Variants in EML6 observed in about 807,000 individuals in gnomAD.
EML6 encodes echinoderm microtubule-associated protein-like 6.
In EML6, 154 loss-of-function variants were observed where a neutral mutation model predicts 240.1. The observed-to-expected ratio is 0.64, with a 90% confidence interval of 0.56 to 0.73. EML6 has a LOEUF of 0.73. Among genes scored for constraint, EML6 ranks in the 30% least tolerant of loss-of-function variants. EML6 has a pLI of 0.00. For missense variants in EML6, 2,964 were observed against 2,474.6 expected, an observed-to-expected ratio of 1.20 and a Z score of -4.20; for synonymous variants, 1,148 against 899.0, an observed-to-expected ratio of 1.28 and a Z score of -4.95.
chr2:54,926,532 C>T (rs1237506444), intron 26 of EML6, among the ~76,000 whole-genome samples: 1 of 152,250 alleles, frequency 6.6e-6, no homozygotes, highest in East Asian at 1.9e-4. Flanking sequence ...GTCATTCATC[C>T]CAATGGCTGT....
intron 2 of EML6, among the ~76,000 whole-genome samples, chr2:54,771,436 T>C (rs1180333518): frequency 6.6e-6 from 1 of 152,232 alleles, no homozygotes; most frequent in East Asian, 1.9e-4. Context: ...AAGCCAATCT[T>C]TAAATTATGC....
rs1346174589 is a variant in EML6 at position 54,894,956 on chromosome 2, GGAT to G, written c.2788_2790del (p.Asp930del). The G allele has an allele frequency of 1.1e-5, 17 of 1,551,388 alleles. No homozygotes were observed. In the South Asian group the frequency reaches 1.5e-4, roughly 14 times the overall value. The stretch of plus-strand genomic sequence containing the variant: ...GAAAGGACGGCATCGTGGAGCTCTG[GGAT>G]GATATGTTTGAAAGATGTTTGAAGA... On this transcript the variant is annotated inframe_deletion, in exon 20 of 42. Transcript: ENST00000356458.
intron 2 of EML6, among the ~76,000 whole-genome samples, chr2:54,736,821 T>A (rs1031670576): frequency 6.6e-6 from 1 of 152,194 alleles, no homozygotes; most frequent in African/African-American, 2.4e-5. Context: ...CCGGTCAGTG[T>A]CACTGATGAC....
At chr2:54,731,434 G>C (rs1431839199) in intron 2 of EML6, among the ~76,000 whole-genome samples, 1 of 152,140 alleles carries the variant, frequency 6.6e-6, no homozygotes, top group Non-Finnish European at 1.5e-5. Context: ...GAGCCTGGGA[G>C]TTAAGGACCA....
chr2:54,754,259 G>T (rs1684306740), intron 2 of EML6, among the ~76,000 whole-genome samples: 1 of 152,032 alleles, frequency 6.6e-6, no homozygotes, highest in Non-Finnish European at 1.5e-5. Flanking sequence ...ATTACAGGTG[G>T]GAGCCACTGC....
At chr2:54,943,823 C>T (rs1675549678) in intron 28 of EML6, among the ~76,000 whole-genome samples, 2 of 152,300 alleles carry the variant, frequency 1.3e-5, no homozygotes, top group South Asian at 2.1e-4. Flanking sequence ...ATTTTACATT[C>T]TGTTAAAAAC....
chr2:54,849,033 G>A (rs573841168), intron 9 of EML6, among the ~76,000 whole-genome samples: 4 of 152,108 alleles, frequency 2.6e-5, no homozygotes, highest in East Asian at 1.9e-4. Context: ...TCTCCATGGC[G>A]TATTTTTAAA....
intron 28 of EML6, among the ~76,000 whole-genome samples, chr2:54,929,946 C>G (rs1268683914): frequency 1.3e-5 from 2 of 151,884 alleles, no homozygotes; most frequent in Non-Finnish European, 2.9e-5. Context: ...AAAGTGGCCA[C>G]AAACAGAAAA....
In EML6 at chr2:54,892,529, G is replaced by A; in HGVS notation, c.2615G>A (p.Gly872Glu). The stretch of plus-strand genomic sequence containing the variant: ...GAAACAATGATGTGTGTTTCTTACG[G>A]ACGAATGGAAGATCTAGTGTTCTCA... ...KLETMMCVSY[G>E]RMEDLVFSGA... is the part of the protein sequence containing the mutation. The change falls in exon 19 of 42, where the codon GGA (glycine) becomes GAA (glutamate). Residue 872 changes from glycine (G) to glutamate (E), a missense_variant. By Grantham distance (98) the Gly-to-Glu change is moderately conservative (BLOSUM62 -2). Coordinates refer to ENST00000356458, the MANE Select transcript of EML6 (RefSeq NM_001039753.4). The A allele has an allele frequency of 6.4e-7, 1 of 1,551,430 alleles. No homozygotes were observed. Among genetic ancestry groups the A allele is most frequent in the Non-Finnish European group, 8.7e-7 (1 of 1,146,774 alleles).
intron 2 of EML6, among the ~76,000 whole-genome samples, chr2:54,804,452 G>A (rs148999101): frequency 6.6e-6 from 1 of 152,292 alleles, no homozygotes; most frequent in African/African-American, 2.4e-5. Context: ...TTCAAAGAAT[G>A]CACTGTAAGA....
chr2:54,836,503 C>T (rs534844142), intron 7 of EML6, among the ~76,000 whole-genome samples: 41 of 152,300 alleles, frequency 2.7e-4, no homozygotes, highest in African/African-American at 7.7e-4. Context: ...AGCAGCAGGT[C>T]ATAGGCAGTC....
Position 54,866,848 on chromosome 2 carries a change from C to G in EML6, c.2015C>G (p.Ala672Gly). The change falls in exon 14 of 42, where the codon GCT (alanine) becomes GGT (glycine). Residue 672 changes from alanine (A) to glycine (G), a missense_variant. Coordinates refer to ENST00000356458, the MANE Select transcript of EML6 (RefSeq NM_001039753.4). The part of the protein sequence containing the change: ...HAVPFLKREK[A>G]PEDSLKLQFI... ...GTGCCCTTCCTCAAACGAGAAAAGGCTCCTGAGGACAGCTTGAAACTCCAG... is the reference window on the plus strand; with the variant it reads ...GTGCCCTTCCTCAAACGAGAAAAGGGTCCTGAGGACAGCTTGAAACTCCAG... 2 of 1,551,066 alleles carry G rather than the reference C, an allele frequency of 1.3e-6. No homozygotes were observed. Among genetic ancestry groups the G allele is most frequent in the Non-Finnish European group, 1.7e-6 (2 of 1,146,508 alleles).
At chr2:54,884,746 TA>T (rs1255556185) in intron 17 of EML6, among the ~76,000 whole-genome samples, 1 of 152,274 alleles carries the variant, frequency 6.6e-6, no homozygotes, top group African/African-American at 2.4e-5. Flanking sequence ...TTTGGCATTG[TA>T]TAAATACAAG....
In EML6 at chr2:54,917,045, G is replaced by A. The variant is rs919103537; in HGVS notation, c.3675+110G>A. ...GAAGTCATAAGCAATTCACATTATC[G>A]GAGTATTATTTATGCTGTATAAAAA... On this transcript the variant is annotated intron_variant, in intron 26 of 41. Transcript: ENST00000356458. 42 of 788,866 alleles carry A rather than the reference G, an allele frequency of 5.3e-5. No individual in the cohort carries two copies. The East Asian group carries it at 8.2e-4, about 15-fold the overall frequency. 48.9% of individuals were successfully genotyped at this position (788,866 alleles called of 1,614,324 possible).
intron 2 of EML6, among the ~76,000 whole-genome samples, chr2:54,736,505 TAA>T (rs1683398606): frequency 6.6e-6 from 1 of 152,328 alleles, no homozygotes; most frequent in African/African-American, 2.4e-5. Flanking sequence ...TCTTCTAAGT[TAA>T]AGTCATGAGG....
rs1365513877 is a variant in EML6 at position 54,874,130 on chromosome 2, A to T, written c.2344+2525A>T. ...CTCGTGTTATTTTAAATACCTTTGG[A>T]AGAAGAGATTAGCAGATCAAAGACA... On this transcript the variant is annotated intron_variant, in intron 16 of 41. Transcript: ENST00000356458. 8.5e-5 allele frequency among the ~76,000 whole-genome samples: 13 copies of T among 152,198 alleles called. 1 individual carries two copies. The highest frequency in any genetic ancestry group is 1.9e-4 in the Non-Finnish European group (13 of 68,028).
chr2:54,810,866 G>A (rs922220210), intron 2 of EML6, among the ~76,000 whole-genome samples: 20 of 152,154 alleles, frequency 1.3e-4, no homozygotes, highest in African/African-American at 4.6e-4. Context: ...GCTAACCTGA[G>A]CAGTCTCCTT....
In EML6 at chr2:54,844,101, A is replaced by C; in HGVS notation, c.902A>C (p.Gln301Pro). 1 of 1,551,514 alleles carries C rather than the reference A, an allele frequency of 6.4e-7. No homozygotes were observed. The highest frequency in any genetic ancestry group is 8.7e-7 in the Non-Finnish European group (1 of 1,146,968). The change falls in exon 8 of 42, where the codon CAG (glutamine) becomes CCG (proline). Residue 301 changes from glutamine to proline, a missense_variant. Gln to Pro is a moderately conservative substitution (Grantham distance 76). Transcript: ENST00000356458. Reference sequence around the variant, plus strand: ...GCAGACCGCCTTCTAGCAGGGACCCAGGACAGTGAGATATTTGAAGTGATT... The same window carrying C: ...GCAGACCGCCTTCTAGCAGGGACCCCGGACAGTGAGATATTTGAAGTGATT... ...WKADRLLAGT[Q>P]DSEIFEVIVR...
chr2:54,939,334 AG>A (rs910599301), intron 28 of EML6, among the ~76,000 whole-genome samples: 1 of 152,164 alleles, frequency 6.6e-6, no homozygotes, highest in Non-Finnish European at 1.5e-5. Flanking sequence ...ACTGCATCTC[AG>A]TGGTGTTGAG....
Sources: allele counts gnomAD v4.1 joint callset (sites outside exome capture counted in the v4.1 genomes callset), GRCh38; gene constraint gnomAD v4.1.1; transcripts MANE v1.5; gene names NCBI Gene and HGNC (gene_info 2026-07-23, HGNC 2026-07-21).